Variants in ELAVL2 observed in about 807,000 individuals in gnomAD.
ELAVL2 encodes the protein ELAV like RNA binding protein 2, also known as ELAV-like protein 2.
In ELAVL2, 4 loss-of-function variants were observed where a neutral mutation model predicts 34.6. The observed-to-expected ratio is 0.12, with a 90% CI of 0.06 to 0.26. The LOEUF is 0.26. Ranked by LOEUF, ELAVL2 falls within the 10% of genes least tolerant of loss-of-function variation. ELAVL2 has a pLI of 1.00. For synonymous variants in ELAVL2, 193 were observed against 154.8 expected, an observed-to-expected ratio of 1.25 and a Z score of -1.83; for missense variants, 432 against 442.8, an observed-to-expected ratio of 0.98 and a Z score of 0.22.
chr9:23,718,667 TG>T (rs1446783312), intron 3 of ELAVL2, among the ~76,000 whole-genome samples: 4 of 152,316 alleles, frequency 2.6e-5, no homozygotes, highest in Admixed American at 2.6e-4. Flanking sequence ...ACATATTTTG[TG>T]GGGCTGACAT....
At chr9:23,835,455 T>C in the ELAVL2 span, among the ~76,000 whole-genome samples, 7 of 152,298 alleles carry the variant, frequency 4.6e-5, no homozygotes, top group East Asian at 1.4e-3. Context: ...TAGGCTATTA[T>C]CTTTATTCCA....
intron 2 of ELAVL2, among the ~76,000 whole-genome samples, chr9:23,734,753 A>G (rs2047404508): frequency 1.3e-5 from 2 of 152,150 alleles, no homozygotes; most frequent in African/African-American, 2.4e-5. Context: ...TTATTTATAT[A>G]GTGCATATTT....
chr9:23,733,642 CAA>C (rs2047144786), intron 2 of ELAVL2, among the ~76,000 whole-genome samples: 1 of 152,144 alleles, frequency 6.6e-6, no homozygotes, highest in East Asian at 1.9e-4. Flanking sequence ...GTCTGGGGCA[CAA>C]GAGTGCCTAC....
Position 23,825,565 on chromosome 9 carries a change from C to A in ELAVL2, c.-16+241G>T, listed in dbSNP as rs532751436. Among the ~76,000 whole-genome samples, 4 of 152,184 alleles carry A rather than the reference C, an allele frequency of 2.6e-5. No individual in the cohort carries two copies. In the East Asian group the frequency reaches 7.7e-4, roughly 29 times the overall value. ...ACCTCCCATTGTACCCCTACTCCCC[C>A]CTGGCCACATTTACCACTTAAGTTT... is the stretch of plus-strand genomic sequence containing the variant. On this transcript the variant is annotated intron_variant, in intron 1 of 6. Coordinates refer to ENST00000397312, the MANE Select transcript of ELAVL2 (RefSeq NM_004432.5).
At chr9:23,783,503 G>A (rs192352508) in intron 1 of ELAVL2, 171 of 985,406 alleles carry the variant, frequency 1.7e-4, no homozygotes, top group Non-Finnish European at 2.0e-4. Context: ...TTGAATAAAG[G>A]CATCAGGAAT....
chr9:23,716,003 G>A (rs999921368), intron 3 of ELAVL2, among the ~76,000 whole-genome samples: 8 of 152,150 alleles, frequency 5.3e-5, no homozygotes, highest in Non-Finnish European at 1.2e-4. Context: ...AAGTGGATAA[G>A]ACAAGAGACG....
chr9:23,717,130 C>G (rs910445631), intron 3 of ELAVL2, among the ~76,000 whole-genome samples: 1 of 152,140 alleles, frequency 6.6e-6, no homozygotes, highest in African/African-American at 2.4e-5. Flanking sequence ...TGTACTATAA[C>G]TAGAAGAAAA....
At chr9:23,702,975 A>AAAAAAAAAAAAAAAAAAAAC (rs1563957664) in intron 4 of ELAVL2, among the ~76,000 whole-genome samples, 1 of 140,312 alleles carries the variant, frequency 7.1e-6, no homozygotes, top group Non-Finnish European at 1.6e-5. Flanking sequence ...AAAAAAAAAA[A>AAAAAAAAAAAAAAAAAAAAC]AAAAAACAGC....
intron 1 of ELAVL2, among the ~76,000 whole-genome samples, chr9:23,771,337 T>C (rs1056704933): frequency 2.0e-5 from 3 of 152,116 alleles, no homozygotes; most frequent in African/African-American, 4.8e-5. Flanking sequence ...ACATTTACTA[T>C]GCTCTGGACA....
chr9:23,728,128 G>T (rs1255042147), intron 3 of ELAVL2, among the ~76,000 whole-genome samples: 3 of 152,024 alleles, frequency 2.0e-5, no homozygotes, highest in African/African-American at 4.8e-5. Context: ...TGACCACCAA[G>T]ATCTCCACTC....
In ELAVL2 at chr9:23,792,871, T is replaced by C. The variant is rs149056546; in HGVS notation, c.-15-30622A>G. On this transcript the variant is annotated intron_variant, in intron 1 of 6. Coordinates refer to ENST00000397312, the MANE Select transcript of ELAVL2 (RefSeq NM_004432.5). ...CGGTGGCCTCCAACTCCTAGAATCA[T>C]GCTATCCTCCCCCGTCGGCCTTCCA... is the stretch of plus-strand genomic sequence containing the variant. Among the ~76,000 whole-genome samples, 14 of 152,242 alleles carry C rather than the reference T, an allele frequency of 9.2e-5. No individual in the cohort carries two copies. The East Asian group carries it at 2.7e-3, about 29-fold the overall frequency.
chr9:23,825,499 A>C (rs1004523756), intron 1 of ELAVL2, among the ~76,000 whole-genome samples: 1 of 152,080 alleles, frequency 6.6e-6, no homozygotes, highest in Non-Finnish European at 1.5e-5. Flanking sequence ...TCCCCACGAA[A>C]TGAACTTCCG....
chr9:23,849,399 A>C, the ELAVL2 span: 2 of 152,242 alleles, frequency 1.3e-5, no homozygotes, highest in Non-Finnish European at 2.9e-5. Flanking sequence ...TCTAAGAATG[A>C]TGGCTTCAAA....
rs1404535156 is a variant in ELAVL2, at chr9:23,710,122, A to G, written c.334-5051T>C. Among the ~76,000 whole-genome samples, 5 of 152,214 alleles carry G rather than the reference A, an allele frequency of 3.3e-5. No homozygotes were observed. In the East Asian group the frequency reaches 7.7e-4, roughly 23 times the overall value. On this transcript the variant is annotated intron_variant, in intron 3 of 6. Transcript: ENST00000397312. ...AGACTAGACAAAATAAAGATAGAAT[A>G]TATTTATTGAATTATGTCTTGAAAA...
chr9:23,744,232 A>C (rs1271699029), intron 2 of ELAVL2, among the ~76,000 whole-genome samples: 2 of 152,202 alleles, frequency 1.3e-5, no homozygotes, highest in African/African-American at 4.8e-5. Context: ...ATAGATTCTG[A>C]TGTGCGTGTT....
chr9:23,759,754 T>TTTTATA (rs1279843264), intron 2 of ELAVL2, among the ~76,000 whole-genome samples: 44 of 81,344 alleles, frequency 5.4e-4, no homozygotes, highest in East Asian at 3.0e-3. Flanking sequence ...ATATATAGTA[T>TTTTATA]TATATATATA....
intron 3 of ELAVL2, among the ~76,000 whole-genome samples, chr9:23,717,823 G>C (rs1003816183): frequency 2.6e-5 from 4 of 152,042 alleles, no homozygotes; most frequent in Non-Finnish European, 4.4e-5. Flanking sequence ...CAAACATTTA[G>C]CAAAGCTAAC....
intron 2 of ELAVL2, among the ~76,000 whole-genome samples, chr9:23,759,751 GTAT>G (rs1370068419): frequency 3.9e-5 from 2 of 51,524 alleles, no homozygotes; most frequent in Non-Finnish European, 6.7e-5. Flanking sequence ...ATCATATATA[GTAT>G]TATATATATA....
At position 23,809,835 on chromosome 9, in the gene ELAVL2, G is replaced by C. The variant is rs555715823; in HGVS notation, c.-16+15971C>G. Among the ~76,000 whole-genome samples, 25 of 152,200 alleles carry C rather than the reference G, an allele frequency of 1.6e-4. No homozygotes were observed. In the South Asian group the frequency reaches 5.0e-3, roughly 30 times the overall value. On this transcript the variant is annotated intron_variant, in intron 1 of 6. Coordinates refer to ENST00000397312, the MANE Select transcript of ELAVL2 (RefSeq NM_004432.5). ...CCACTCCCAACCAATTTTTCTGACAGTAAAGTTGGAGAAACAGTAAAGTTG... is the reference window on the plus strand; with the variant it reads ...CCACTCCCAACCAATTTTTCTGACACTAAAGTTGGAGAAACAGTAAAGTTG...
Sources: allele counts gnomAD v4.1 joint callset (sites outside exome capture counted in the v4.1 genomes callset), GRCh38; gene constraint gnomAD v4.1.1; transcripts MANE v1.5; gene names NCBI Gene and HGNC (gene_info 2026-07-23, HGNC 2026-07-21).